DNTT: variants seen among roughly 807,000 people sequenced by gnomAD.
DNTT encodes the protein DNA nucleotidylexotransferase.
DNTT carries 47 observed loss-of-function variants against 60.9 expected under a neutral mutation model. The observed-to-expected ratio is 0.77, with a 90% CI of 0.61 to 0.98. The LOEUF (loss-of-function observed/expected upper bound fraction) is 0.98. Ranked by LOEUF, DNTT falls within the 50% of genes least tolerant of loss-of-function variation. The pLI, the probability that DNTT is intolerant of heterozygous loss-of-function variation, is 0.00. For synonymous variants in DNTT, 224 were observed against 221.2 expected, an observed-to-expected ratio of 1.01 and a Z score of -0.11; for missense variants, 665 against 627.5, an observed-to-expected ratio of 1.06 and a Z score of -0.64.
rs531886339 is a variant in DNTT, at chr10:96,306,034, G to A, written c.203+1334G>A. On this transcript the variant is annotated intron_variant, in intron 1 of 10. Transcript: ENST00000371174. ...CTGCCTGATATTACAGACTTACATA[G>A]AAGGCTAGAGTTGGAGAAGACAGGA... Among the ~76,000 whole-genome samples, 6 of 151,668 alleles carry A rather than the reference G, an allele frequency of 4.0e-5. No homozygotes were observed. In the South Asian group the frequency reaches 6.2e-4, roughly 16 times the overall value.
intron 8 of DNTT, among the ~76,000 whole-genome samples, chr10:96,331,576 AACTC>A (rs1845007048): frequency 1.3e-5 from 2 of 152,190 alleles, no homozygotes; most frequent in Admixed American, 6.5e-5. Context: ...ACAAAGTGAG[AACTC>A]ACTCATTACC....
intron 10 of DNTT, 58 bp downstream of exon 10, chr10:96,336,032 G>A (rs1398722461): frequency 2.5e-6 from 4 of 1,568,870 alleles, no homozygotes; most frequent in African/African-American, 1.3e-5. Context: ...GCTGGCCCCC[G>A]AGCTTTTTTC....
rs1230448840 is a variant in DNTT at position 96,318,335 on chromosome 10, T to C, written c.204-17T>C. On this transcript the variant is annotated splice_polypyrimidine_tract_variant and intron_variant, in intron 1 of 10. Transcript: ENST00000371174. ...TGAAAGATGTTTCAGCTGGTAACTC[T>C]GTCTTGCATTTTGCAGTGATTCTGT... The C allele has an allele frequency of 1.3e-6, 2 of 1,595,920 alleles. No individual in the cohort carries two copies. Among genetic ancestry groups the C allele is most frequent in the Admixed American group, 1.7e-5 (1 of 58,558 alleles).
At chr10:96,330,651 T>A (rs1289641491) in intron 8 of DNTT, among the ~76,000 whole-genome samples, 1 of 152,160 alleles carries the variant, frequency 6.6e-6, no homozygotes, top group Non-Finnish European at 1.5e-5. Context: ...AAGTATCTTT[T>A]TGAATTGAGA....
Position 96,324,353 on chromosome 10 carries a change from G to C in DNTT, c.838G>C (p.Asp280His), listed in dbSNP as rs41291616. 8,178 of 1,613,844 alleles carry C rather than the reference G, an allele frequency of 5.1e-3. 27 individuals are homozygous for C. Among genetic ancestry groups the C allele is most frequent in the Middle Eastern group, 9.9e-3 (60 of 6,058 alleles). The change falls in exon 6 of 11, where the codon GAC becomes CAC. Residue 280 changes from aspartate to histidine, a missense_variant. Transcript: ENST00000371174. ...GFRTLSKVRS[D>H]KSLKFTRMQK... ...CAGAACTCTGAGTAAAGTAAGGTCGGACAAAAGCCTGAAATTTACACGAAT... is the reference window on the plus strand; with the variant it reads ...CAGAACTCTGAGTAAAGTAAGGTCGCACAAAAGCCTGAAATTTACACGAAT...
rs542089963 is a variant in DNTT at position 96,313,507 on chromosome 10, G to T, written c.204-4845G>T. The stretch of plus-strand genomic sequence containing the variant: ...GCATCTAACCACAGTCTAGCAGAAC[G>T]TTAAGAGGTTGCTTGAGTCAGGCAC... On this transcript the variant is annotated intron_variant, in intron 1 of 10. Coordinates refer to ENST00000371174, the MANE Select transcript of DNTT (RefSeq NM_004088.4). 2.6e-5 allele frequency among the ~76,000 whole-genome samples: 4 copies of T among 152,266 alleles called. No homozygotes were observed. The South Asian group carries it at 8.3e-4, about 32-fold the overall frequency.
intron 9 of DNTT, 39 bp from the exon 10 acceptor site, chr10:96,335,852 A>G: frequency 6.3e-7 from 1 of 1,599,206 alleles, no homozygotes; most frequent in Non-Finnish European, 8.6e-7. Context: ...AAGACATTCT[A>G]GACGTGTTAA....
chr10:96,334,786 G>A (rs552531234), intron 9 of DNTT, among the ~76,000 whole-genome samples: 2 of 152,218 alleles, frequency 1.3e-5, no homozygotes, highest in African/African-American at 2.4e-5. Context: ...GATTGAGAAA[G>A]GGGAACGTTC....
At chr10:96,333,739 T>A (rs1020040432) in intron 9 of DNTT, among the ~76,000 whole-genome samples, 2 of 152,230 alleles carry the variant, frequency 1.3e-5, no homozygotes, top group African/African-American at 4.8e-5. Flanking sequence ...CTGTATGATC[T>A]CGTTTCTGTA....
At chr10:96,329,778 G>T (rs1936128638) in intron 8 of DNTT, among the ~76,000 whole-genome samples, 1 of 152,132 alleles carries the variant, frequency 6.6e-6, no homozygotes, top group African/African-American at 2.4e-5. Flanking sequence ...GGCAGGGAAG[G>T]GATCCTGGCT....
At position 96,322,666 on chromosome 10, in the gene DNTT, G is replaced by A; in HGVS notation, c.688G>A (p.Glu230Lys). The A allele has an allele frequency of 1.9e-6, 3 of 1,602,054 alleles. No homozygotes were observed. The highest frequency in any genetic ancestry group is 2.6e-6 in the Non-Finnish European group (3 of 1,171,152). ...KVKGIIEEII[E>K]DGESSEVKAV... is the part of the protein sequence containing the mutation. ...TTCAACTGTCCATTAGGAGATTATT[G>A]AAGATGGAGAAAGTTCTGAAGTTAA... Residue 230 changes from glutamate (E) to lysine (K), a missense_variant, in exon 5 of 11, where the codon GAA (glutamate) becomes AAA (lysine). Physicochemically the swap from Glu to Lys is moderately conservative, Grantham distance 56. Transcript: ENST00000371174.
chr10:96,324,642 T>A (rs986321183), intron 6 of DNTT, among the ~76,000 whole-genome samples: 5 of 152,206 alleles, frequency 3.3e-5, no homozygotes, highest in Non-Finnish European at 7.3e-5. Context: ...GAGAAGTCAA[T>A]CAGATAATGC....
At chr10:96,323,228 G>A (rs1024665354) in intron 5 of DNTT, among the ~76,000 whole-genome samples, 1 of 152,144 alleles carries the variant, frequency 6.6e-6, no homozygotes, top group African/African-American at 2.4e-5. Context: ...GAGTCTGGGA[G>A]GCAGAGGTTG....
In DNTT at chr10:96,322,732, A is replaced by G. The variant is rs1252110894; in HGVS notation, c.750+4A>G. ...TGAACGATATCAATCCTTCAAAGTA[A>G]GTGATTTTACATATATTTATTGAAA... is the stretch of plus-strand genomic sequence containing the variant. On this transcript the variant is annotated splice_donor_region_variant and intron_variant, in intron 5 of 10. Coordinates refer to ENST00000371174, the MANE Select transcript of DNTT (RefSeq NM_004088.4). 3 of 1,587,140 alleles carry G rather than the reference A, an allele frequency of 1.9e-6. No homozygotes were observed. Among genetic ancestry groups the G allele is most frequent in the South Asian group, 2.3e-5 (2 of 87,242 alleles).
intron 1 of DNTT, among the ~76,000 whole-genome samples, chr10:96,313,640 T>G (rs146321593): frequency 6.6e-6 from 1 of 152,198 alleles, no homozygotes; most frequent in South Asian, 2.1e-4. Flanking sequence ...AGTAAGAATA[T>G]GTGCACATGT....
chr10:96,332,264 C>T, intron 8 of DNTT, 87 bp from the exon 9 acceptor site: 5 of 1,544,008 alleles, frequency 3.2e-6, no homozygotes, highest in Non-Finnish European at 4.4e-6. Flanking sequence ...CTGCTCGAAT[C>T]TGAAAAGATT....
At chr10:96,307,589 C>A (rs1320284238) in intron 1 of DNTT, among the ~76,000 whole-genome samples, 1 of 149,048 alleles carries the variant, frequency 6.7e-6, no homozygotes. Flanking sequence ...CTCTTGACCT[C>A]GTGATCCGCC....
intron 9 of DNTT, among the ~76,000 whole-genome samples, chr10:96,335,020 C>G (rs568418674): frequency 2.0e-5 from 3 of 152,344 alleles, no homozygotes; most frequent in Admixed American, 6.5e-5. Flanking sequence ...TAAAGGACTT[C>G]TGATTGCAAA....
At position 96,335,939 on chromosome 10, in the gene DNTT, A is replaced by T. The variant is rs200644125; in HGVS notation, c.1408A>T (p.Ile470Phe). 1.7e-5 allele frequency: 27 copies of T among 1,614,200 alleles called. No individual in the cohort carries two copies. In the East Asian group the frequency reaches 5.6e-4, roughly 33 times the overall value. Reference sequence around the variant, plus strand: ...CTATGCCACACATGAGCGGAAGATGATTCTGGATAACCATGCTTTATATGA... The same window carrying T: ...CTATGCCACACATGAGCGGAAGATGTTTCTGGATAACCATGCTTTATATGA... Reference protein sequence around the residue: ...RRYATHERKMILDNHALYDKT... With the variant: ...RRYATHERKMFLDNHALYDKT... The change falls in exon 10 of 11, where the codon ATT becomes TTT. Residue 470 changes from isoleucine to phenylalanine, a missense_variant. Ile to Phe is a conservative substitution (Grantham distance 21). Transcript: ENST00000371174.
Sources: gnomAD v4.1 joint callset for allele counts (sites outside exome capture counted in the v4.1 genomes callset) on GRCh38, gnomAD v4.1.1 for gene constraint, MANE v1.5 for transcripts, NCBI Gene and HGNC (gene_info 2026-07-23, HGNC 2026-07-21) for gene names.